MED23: variants seen among roughly 807,000 people sequenced by gnomAD.
MED23 encodes mediator complex subunit 23.
MED23 carries 105 observed loss-of-function variants against 163.9 expected under a neutral mutation model. The observed-to-expected ratio is 0.64, with a 90% CI of 0.55 to 0.75. The LOEUF is 0.75. Among genes scored for constraint, MED23 ranks in the 30% least tolerant of loss-of-function variants. MED23 has a pLI of 0.00. For missense variants in MED23, 1,054 were observed against 1,649.0 expected (o/e 0.64, Z 6.25); for synonymous variants, 561 against 565.6 (o/e 0.99, Z 0.12).
chr6:131,578,186 T>TAAAAAAAAA (rs34484161), intron 30 of MED23, among the ~76,000 whole-genome samples: 1 of 140,070 alleles, frequency 7.1e-6, no homozygotes, highest in African/African-American at 2.6e-5. Flanking sequence ...CGTAAATCTT[T>TAAAAAAAAA]AAAAAAAAAA....
chr6:131,599,704 T>A (rs1023612383), intron 18 of MED23, among the ~76,000 whole-genome samples: 3 of 151,504 alleles, frequency 2.0e-5, no homozygotes, highest in Admixed American at 2.0e-4. Flanking sequence ...AGTACCAGAG[T>A]AGGACACAGA....
intron 8 of MED23, among the ~76,000 whole-genome samples, chr6:131,619,119 TG>T (rs568960646): frequency 8.1e-4 from 123 of 152,336 alleles, no homozygotes; most frequent in Non-Finnish European, 1.2e-3. Context: ...CAACCTACTT[TG>T]CTTCCATAAT....
Position 131,612,928 on chromosome 6 carries a change from A to C in MED23, c.877-2682T>G, listed in dbSNP as rs1776387198. On this transcript the variant is annotated intron_variant, in intron 10 of 28. Transcript: ENST00000368068. ...CAGTTCTCATAATGCTTTTGCAGTG[A>C]AATTTTAACATACTGTACTTAGGTG... Among the ~76,000 whole-genome samples the C allele has an allele frequency of 3.3e-5, 5 of 152,152 alleles. No homozygotes were observed. The South Asian group carries it at 1.0e-3, about 31-fold the overall frequency.
chr6:131,575,088 A>C lies in MED23; in HGVS notation c.4096-793T>G, dbSNP rs1325338140. On this transcript the variant is annotated intron_variant, in intron 30 of 30. Transcript: ENST00000354577. ...GGGCAGATAGAGCAAGCAAGAGGAA[A>C]GCCCAATCATGAGAAGCCATTTGAA... Among the ~76,000 whole-genome samples the C allele has an allele frequency of 2.0e-5, 3 of 152,330 alleles. No homozygotes were observed. In the East Asian group the frequency reaches 5.8e-4, roughly 29 times the overall value.
Position 131,598,740 on chromosome 6 carries a change from C to T in MED23, c.2242G>A (p.Val748Met), listed in dbSNP as rs1775253646. 6.2e-7 allele frequency: 1 copy of T among 1,613,864 alleles called. No individual in the cohort carries two copies. The highest frequency in any genetic ancestry group is 1.3e-5 in the African/African-American group (1 of 74,874). The change falls in exon 19 of 29, where the codon GTG becomes ATG. Residue 748 changes from valine (V) to methionine (M), a missense_variant. Around this residue, in one of 11 missense-constraint regions of MED23, gnomAD observed 228 missense variants for 461.3 expected, o/e 0.49. Transcript: ENST00000368068. This position sits in a 1 kb window ranked among gnomAD's most constrained non-coding sequence, Gnocchi z 4.7. Reference protein sequence around the residue: ...PLQAFFKQNNVPQESRFNLKK... With the variant: ...PLQAFFKQNNMPQESRFNLKK... ...AGATTAAAACGGCTTTCCTGAGGCACATTATTTTGTTTGAAGAATGCCTAA... is the reference window on the plus strand; with the variant it reads ...AGATTAAAACGGCTTTCCTGAGGCATATTATTTTGTTTGAAGAATGCCTAA...
At position 131,627,512 on chromosome 6, in the gene MED23, C is replaced by A. The variant is rs536164479; in HGVS notation, c.72-29G>T. 3.1e-6 allele frequency: 5 copies of A among 1,601,142 alleles called. No homozygotes were observed. In the East Asian group the frequency reaches 1.1e-4, roughly 36 times the overall value. The stretch of plus-strand genomic sequence containing the variant: ...AAAAAATAAAAATTACATTATTTGT[C>A]ATTCGTTTTAAAAAGGTAATTACAC... On this transcript the variant is annotated intron_variant, in intron 2 of 28. Transcript: ENST00000368068.
At chr6:131,584,026 A>G, downstream of MED23, 1 of 1,204,668 alleles carries the variant, frequency 8.3e-7, no homozygotes. Flanking sequence ...TGTTTTTCCA[A>G]TTAGTATAAA....
rs760037670 is a variant in MED23 at position 131,592,378 on chromosome 6, A to T, written c.3471+10T>A. On this transcript the variant is annotated intron_variant, in intron 25 of 28. Transcript: ENST00000368068. ...TCATCACTAAGTACAAATCACAATT[A>T]TTAACTCACTGGTAGGGCAGTGATG... The T allele has an allele frequency of 2.5e-6, 4 of 1,611,624 alleles. No individual in the cohort carries two copies. The highest frequency in any genetic ancestry group is 3.4e-6 in the Non-Finnish European group (4 of 1,177,850).
At chr6:131,579,388 T>A in intron 30 of MED23, 1 of 1,306,494 alleles carries the variant, frequency 7.7e-7, no homozygotes, top group Non-Finnish European at 1.0e-6. Context: ...AGCATTGACC[T>A]ATATTTTATA....
intron 26 of MED23, 128 bp from the exon 27 acceptor site, chr6:131,590,570 A>T (rs925144961): frequency 3.4e-6 from 2 of 586,662 alleles, no homozygotes; most frequent in Admixed American, 3.3e-5. Context: ...ATTTGGTAAC[A>T]ATAATATTTC....
chr6:131,609,403 A>G (rs775077530), intron 11 of MED23, among the ~76,000 whole-genome samples: 3 of 151,818 alleles, frequency 2.0e-5, no homozygotes, highest in Non-Finnish European at 4.4e-5. Context: ...TTGCTAGGAA[A>G]CACTTTTCTT....
At chr6:131,613,814 C>T (rs1776448081) in intron 10 of MED23, among the ~76,000 whole-genome samples, 1 of 151,370 alleles carries the variant, frequency 6.6e-6, no homozygotes, top group Non-Finnish European at 1.5e-5. Context: ...AAACTTGTTA[C>T]CGAAATGATC....
intron 28 of MED23, 48 bp downstream of exon 28, chr6:131,589,416 GT>G: frequency 6.5e-7 from 1 of 1,539,420 alleles, no homozygotes; most frequent in Non-Finnish European, 8.9e-7. Context: ...ATATGTTCAA[GT>G]TTTCTAAATT....
intron 9 of MED23, among the ~76,000 whole-genome samples, chr6:131,618,059 G>A (rs1255374198): frequency 6.6e-6 from 1 of 152,320 alleles, no homozygotes; most frequent in South Asian, 2.1e-4. Context: ...GGTGTTAAGA[G>A]TGTAGATTCT....
Position 131,607,161 on chromosome 6 carries a change from G to T in MED23, c.1222-537C>A, listed in dbSNP as rs1427409142. On this transcript the variant is annotated intron_variant, in intron 12 of 28. Coordinates refer to ENST00000368068, the MANE Select transcript of MED23 (RefSeq NM_004830.4). ...ATTAACAAAAAAAATAAGGAGGAAA[G>T]ATGAAACAAGAGTATTTCTTGATGA... is the stretch of plus-strand genomic sequence containing the variant. Among the ~76,000 whole-genome samples, 3 of 151,904 alleles carry T rather than the reference G, an allele frequency of 2.0e-5. No individual in the cohort carries two copies. In the East Asian group the frequency reaches 5.9e-4, roughly 30 times the overall value.
intron 20 of MED23, 101 bp from the exon 21 acceptor site, chr6:131,596,789 T>C: frequency 8.7e-7 from 1 of 1,152,428 alleles, no homozygotes. Flanking sequence ...AATCTCACTA[T>C]TATAATTTCC....
rs757544386 is a variant in MED23 at position 131,603,229 on chromosome 6, T to C, written c.1757-25A>G. The stretch of plus-strand genomic sequence containing the variant: ...CCTGGAGGAAAAAGACAATTTAAGG[T>C]ACCAATTATTAAAGGCTATGCATGA... On this transcript the variant is annotated intron_variant, in intron 15 of 28. Transcript: ENST00000368068. The C allele has an allele frequency of 1.9e-6, 3 of 1,608,958 alleles. No individual in the cohort carries two copies. In the South Asian group the frequency reaches 3.3e-5, roughly 18 times the overall value.
chr6:131,622,014 G>A (rs764955741), intron 5 of MED23, 35 bp from the exon 6 acceptor site: 3 of 1,473,228 alleles, frequency 2.0e-6, no homozygotes, highest in Admixed American at 1.7e-5. Flanking sequence ...TTAAAATTAA[G>A]TAGTGTCTAC....
intron 15 of MED23, 105 bp downstream of exon 15, chr6:131,604,073 T>C: frequency 9.0e-7 from 1 of 1,114,228 alleles, no homozygotes; most frequent in South Asian, 1.3e-5. Context: ...ATAAGCTCCA[T>C]CATGGTGGTG....
Sources: gnomAD v4.1 joint callset for allele counts (sites outside exome capture counted in the v4.1 genomes callset) on GRCh38, gnomAD v4.1.1 for gene constraint, gnomAD v4.1.1 regional missense constraint, Gnocchi (gnomAD v3.1) non-coding constraint, MANE v1.5 for transcripts, NCBI Gene and HGNC (gene_info 2026-07-23, HGNC 2026-07-21) for gene names.